ULK4: variants seen among roughly 807,000 people sequenced by gnomAD.
ULK4 encodes inactive serine/threonine-protein kinase ULK4.
ULK4 carries 133 observed loss-of-function variants against 160.6 expected under a neutral mutation model. That is an observed-to-expected ratio of 0.83 (90% CI 0.72 to 0.96). ULK4 has a LOEUF of 0.96. Ranked by LOEUF, ULK4 falls within the 40% of genes least tolerant of loss-of-function variation. The pLI is 0.00. For synonymous variants in ULK4, 534 were observed against 539.8 expected, an observed-to-expected ratio of 0.99 and a Z score of 0.15; for missense variants, 1,580 against 1,499.5, an observed-to-expected ratio of 1.05 and a Z score of -0.89.
At chr3:41,710,905 G>T (rs2037073575) in intron 25 of ULK4, among the ~76,000 whole-genome samples, 1 of 152,180 alleles carries the variant, frequency 6.6e-6, no homozygotes, top group South Asian at 2.1e-4. Flanking sequence ...CAGAAAGCAG[G>T]TAGGAACAAT....
At chr3:41,576,479 T>G (rs1380066328) in intron 31 of ULK4, among the ~76,000 whole-genome samples, 1 of 152,082 alleles carries the variant, frequency 6.6e-6, no homozygotes, top group Non-Finnish European at 1.5e-5. Flanking sequence ...CTCTGAAAAA[T>G]TAATGAAAAA....
At chr3:41,741,688 C>T (rs1338940829) in intron 22 of ULK4, among the ~76,000 whole-genome samples, 1 of 151,936 alleles carries the variant, frequency 6.6e-6, no homozygotes, top group Non-Finnish European at 1.5e-5. Context: ...CAGCAACTCA[C>T]ATTTCCTCAA....
At chr3:41,618,767 C>A (rs180685247) in intron 30 of ULK4, among the ~76,000 whole-genome samples, 1 of 152,038 alleles carries the variant, frequency 6.6e-6, no homozygotes, top group Non-Finnish European at 1.5e-5. Context: ...CAAATTCACA[C>A]GGAACAATAT....
chr3:41,808,041 C>T (rs1273394175), intron 19 of ULK4, among the ~76,000 whole-genome samples: 1 of 152,148 alleles, frequency 6.6e-6, no homozygotes, highest in African/African-American at 2.4e-5. Flanking sequence ...CTTAACTGGA[C>T]AGGTACCCTA....
At chr3:41,576,216 A>C (rs1024013322) in intron 31 of ULK4, among the ~76,000 whole-genome samples, 19 of 152,248 alleles carry the variant, frequency 1.2e-4, no homozygotes, top group Admixed American at 3.9e-4. Flanking sequence ...ACAAAGTCCT[A>C]GCAAACTAAT....
At chr3:41,763,045 T>C (rs938355173) in intron 21 of ULK4, among the ~76,000 whole-genome samples, 2 of 152,086 alleles carry the variant, frequency 1.3e-5, no homozygotes, top group Non-Finnish European at 2.9e-5. Flanking sequence ...GCCGCCCCCA[T>C]GATCCAATCG....
intron 34 of ULK4, among the ~76,000 whole-genome samples, chr3:41,440,453 T>C (rs1335719752): frequency 6.6e-6 from 1 of 152,186 alleles, no homozygotes; most frequent in Non-Finnish European, 1.5e-5. Flanking sequence ...CTAATGTATA[T>C]ATTACTTGAT....
intron 21 of ULK4, among the ~76,000 whole-genome samples, chr3:41,770,696 A>G (rs1175782371): frequency 2.6e-5 from 4 of 152,072 alleles, no homozygotes. Flanking sequence ...TATTTTTAGT[A>G]GAGACAGGGT....
At chr3:41,880,132 T>G (rs1243462173) in intron 17 of ULK4, among the ~76,000 whole-genome samples, 9 of 152,030 alleles carry the variant, frequency 5.9e-5, no homozygotes, top group Non-Finnish European at 1.2e-4. Flanking sequence ...AAAAAATTCC[T>G]TTCAGTTTTA....
chr3:41,709,234 GA>G (rs925569927), intron 25 of ULK4, among the ~76,000 whole-genome samples: 31 of 149,470 alleles, frequency 2.1e-4, no homozygotes, highest in East Asian at 5.9e-4. Flanking sequence ...TTTAAAATAA[GA>G]AAAAAAAACT....
At chr3:41,815,579 C>T (rs1337716780) in intron 19 of ULK4, among the ~76,000 whole-genome samples, 1 of 152,152 alleles carries the variant, frequency 6.6e-6, no homozygotes, top group Non-Finnish European at 1.5e-5. Context: ...CTTTTAGCTT[C>T]TTGTGGGATT....
At chr3:41,249,622 A>G (rs1433722022) in intron 35 of ULK4, 48 bp from the exon 36 acceptor site, 2 of 1,580,250 alleles carry the variant, frequency 1.3e-6, no homozygotes. Context: ...CCCGTCCCTG[A>G]CTCATGCCCT....
Position 41,801,877 on chromosome 3 carries a change from A to T in ULK4, c.1849-1584T>A, listed in dbSNP as rs573820150. Among the ~76,000 whole-genome samples, 7 of 152,090 alleles carry T rather than the reference A, an allele frequency of 4.6e-5. No homozygotes were observed. In the South Asian group the frequency reaches 1.2e-3, roughly 27 times the overall value. On this transcript the variant is annotated intron_variant, in intron 19 of 36. Coordinates refer to ENST00000301831, the MANE Select transcript of ULK4 (RefSeq NM_017886.4). ...AAAATAAAAATAAAATAAAATAAAAAGAAAAGAAAACTTTACAAGCAACTA... is the reference window on the plus strand; with the variant it reads ...AAAATAAAAATAAAATAAAATAAAATGAAAAGAAAACTTTACAAGCAACTA...
At chr3:41,397,633 C>A (rs1448918481) in intron 35 of ULK4, among the ~76,000 whole-genome samples, 1 of 152,072 alleles carries the variant, frequency 6.6e-6, no homozygotes, top group Non-Finnish European at 1.5e-5. Flanking sequence ...ATTAAAGACA[C>A]ATGTCTACCA....
chr3:41,425,828 C>G (rs1002799056), intron 34 of ULK4, among the ~76,000 whole-genome samples: 6 of 152,176 alleles, frequency 3.9e-5, no homozygotes, highest in African/African-American at 1.4e-4. Context: ...CAAAAACATA[C>G]TGAAGTACAA....
chr3:41,254,885 AAAAAAAAGAAAAG>A (rs1057503737), intron 35 of ULK4, among the ~76,000 whole-genome samples: 1 of 151,872 alleles, frequency 6.6e-6, no homozygotes, highest in African/African-American at 2.4e-5. Flanking sequence ...TCCATCTCAA[AAAAAAAAGAAAAG>A]AAAAAAAAGA....
intron 30 of ULK4, among the ~76,000 whole-genome samples, chr3:41,645,585 A>AT (rs1391007481): frequency 2.0e-5 from 3 of 151,944 alleles, no homozygotes; most frequent in Non-Finnish European, 4.4e-5. Flanking sequence ...GTTCTTTTAC[A>AT]TTTGCTGAGG....
chr3:41,312,137 G>A (rs1159993276), intron 35 of ULK4, among the ~76,000 whole-genome samples: 1 of 151,744 alleles, frequency 6.6e-6, no homozygotes, highest in African/African-American at 2.4e-5. Context: ...ACCAAACATG[G>A]CTAATTTTTA....
intron 21 of ULK4, among the ~76,000 whole-genome samples, chr3:41,786,054 A>G (rs1470567196): frequency 6.6e-6 from 1 of 152,124 alleles, no homozygotes; most frequent in African/African-American, 2.4e-5. Flanking sequence ...TCTCCAACCT[A>G]ACCTAGGCTA....
Sources: gnomAD v4.1 joint callset for allele counts (sites outside exome capture counted in the v4.1 genomes callset) on GRCh38, gnomAD v4.1.1 for gene constraint, MANE v1.5 for transcripts, NCBI Gene and HGNC (gene_info 2026-07-23, HGNC 2026-07-21) for gene names.